PM20D2: variants seen among roughly 807,000 people sequenced by gnomAD.
PM20D2 encodes the protein xaa-Arg dipeptidase.
In PM20D2, 33 loss-of-function variants were observed where a neutral mutation model predicts 42.9. That is an observed-to-expected ratio of 0.77 (90% confidence interval 0.58 to 1.03). The LOEUF (loss-of-function observed/expected upper bound fraction) is 1.03, where lower values mean the gene tolerates loss of function less well. PM20D2 is among the 50% of genes least tolerant of loss of function. PM20D2 has a pLI of 0.00. For missense variants in PM20D2, 548 were observed against 557.0 expected, an observed-to-expected ratio of 0.98 and a Z score of 0.16; for synonymous variants, 250 against 228.2, an observed-to-expected ratio of 1.10 and a Z score of -0.86.
At chr6:89,152,108 T>G (rs1382309444) in intron 2 of PM20D2, among the ~76,000 whole-genome samples, 1 of 151,600 alleles carries the variant, frequency 6.6e-6, no homozygotes, top group African/African-American at 2.4e-5. Context: ...AAAAAAAAAT[T>G]CATTTCAAGG....
chr6:89,115,967 G>GCTAA, the PM20D2 span, among the ~76,000 whole-genome samples: 9,525 of 152,086 alleles, frequency 0.063, 855 homozygotes, highest in African/African-American at 0.2. Context: ...TCAACTTAAT[G>GCTAA]CATCTAAAGA....
At position 89,153,135 on chromosome 6, in the gene PM20D2, A is replaced by G. The variant is rs747644120; in HGVS notation, c.707A>G (p.Asn236Ser). 2 of 1,612,254 alleles carry G rather than the reference A, an allele frequency of 1.2e-6. No individual in the cohort carries two copies. Among genetic ancestry groups the G allele is most frequent in the Non-Finnish European group, 1.7e-6 (2 of 1,179,262 alleles). The change falls in exon 3 of 7, where the codon AAC becomes AGC. Residue 236 changes from asparagine to serine, a missense_variant. Physicochemically the swap from Asn to Ser is conservative, Grantham distance 46 (BLOSUM62 1). Around this residue, in one of 3 missense-constraint regions of PM20D2, gnomAD observed 470 missense variants for 464.4 expected, o/e 1.01. Transcript: ENST00000275072. ...NALDAAVLAY[N>S]NLSVFRQQMK... ...TTAGATGCTGCTGTGCTGGCCTATA[A>G]CAATCTGTCTGTGTTCAGACAGCAA...
At chr6:89,112,512 T>C in the PM20D2 span, among the ~76,000 whole-genome samples, 2 of 150,242 alleles carry the variant, frequency 1.3e-5, no homozygotes, top group African/African-American at 4.9e-5. Flanking sequence ...AGTGGTGATA[T>C]CATAACTTGC....
chr6:89,113,892 C>T, the PM20D2 span, among the ~76,000 whole-genome samples: 1 of 152,264 alleles, frequency 6.6e-6, no homozygotes, highest in African/African-American at 2.4e-5. Context: ...ATCTACCCAC[C>T]TCAGCCTCCA....
chr6:89,130,841 T>C, the PM20D2 span, among the ~76,000 whole-genome samples: 1 of 139,740 alleles, frequency 7.2e-6, no homozygotes, highest in Non-Finnish European at 1.5e-5. Flanking sequence ...TTTTTTTTTT[T>C]TTTTTTTTTG....
At chr6:89,154,430 T>G (rs1032557924) in intron 3 of PM20D2, among the ~76,000 whole-genome samples, 3 of 152,182 alleles carry the variant, frequency 2.0e-5, no homozygotes, top group Non-Finnish European at 4.4e-5. Flanking sequence ...AAGCTTAAGA[T>G]GTTACTAATT....
At chr6:89,147,747 G>A (rs980327322) in intron 1 of PM20D2, among the ~76,000 whole-genome samples, 1 of 149,236 alleles carries the variant, frequency 6.7e-6, no homozygotes, top group Non-Finnish European at 1.5e-5. Flanking sequence ...AAAAAAATTA[G>A]CTGGGCGTGG....
chr6:89,161,891 G>C lies in PM20D2; in HGVS notation c.1156+1G>C. ...ACTGAACAGTACACTGAAGCTGCTG[G>C]TAAGTGTTGTTGGATGTGACTGTTT... On this transcript the variant is annotated splice_donor_variant, in intron 6 of 6. Transcript: ENST00000275072. LOFTEE classifies it high-confidence loss of function. The C allele has an allele frequency of 6.2e-7, 1 of 1,602,968 alleles. No homozygotes were observed. The highest frequency in any genetic ancestry group is 1.1e-5 in the South Asian group (1 of 90,746).
the PM20D2 span, among the ~76,000 whole-genome samples, chr6:89,123,715 G>T: frequency 1.1e-5 from 1 of 89,094 alleles, no homozygotes; most frequent in Non-Finnish European, 2.2e-5. Flanking sequence ...GAGTGAGACT[G>T]TCTCAAAAAA....
intron 1 of PM20D2, among the ~76,000 whole-genome samples, chr6:89,147,986 T>A (rs1770663402): frequency 6.8e-6 from 1 of 146,110 alleles, no homozygotes; most frequent in African/African-American, 2.5e-5. Context: ...ACTCTTTTTT[T>A]TTTTTTTTTT....
the PM20D2 span, among the ~76,000 whole-genome samples, chr6:89,102,963 C>T: frequency 6.6e-6 from 1 of 152,124 alleles, no homozygotes; most frequent in Non-Finnish European, 1.5e-5. Flanking sequence ...GGGGGTCTCA[C>T]TATGTTGCCC....
Position 89,158,375 on chromosome 6 carries a change from G to A in PM20D2, c.963G>A (p.Lys321=), listed in dbSNP as rs1771122208. The A allele has an allele frequency of 1.2e-6, 2 of 1,611,276 alleles. No homozygotes were observed. The highest frequency in any genetic ancestry group is 2.7e-5 in the African/African-American group (2 of 74,740). The change falls in exon 5 of 7, where the codon AAG becomes AAA. Residue 321 remains lysine, a synonymous_variant. Coordinates refer to ENST00000275072, the MANE Select transcript of PM20D2 (RefSeq NM_001010853.3). ...AHDYYNVLPN[K]SLWKAYMENG... ...ATTATTACAATGTTCTTCCCAATAA[G>A]AGCCTATGGAAAGCCTATATGGAAA...
At chr6:89,131,155 T>C in the PM20D2 span, among the ~76,000 whole-genome samples, 1 of 152,046 alleles carries the variant, frequency 6.6e-6, no homozygotes, top group Non-Finnish European at 1.5e-5. Context: ...TCACTCTTCT[T>C]ATAAAACCAC....
intron 4 of PM20D2, among the ~76,000 whole-genome samples, chr6:89,156,745 CAG>C (rs1367089468): frequency 6.6e-6 from 1 of 152,090 alleles, no homozygotes; most frequent in Non-Finnish European, 1.5e-5. Flanking sequence ...ATGGGAAAGA[CAG>C]AGACTGAAAG....
chr6:89,155,258 CTTTTTTT>C (rs34776724), intron 4 of PM20D2, among the ~76,000 whole-genome samples: 1 of 58,932 alleles, frequency 1.7e-5, no homozygotes, highest in Non-Finnish European at 3.1e-5. Flanking sequence ...TCAGCAAAAG[CTTTTTTT>C]TTTTTTTTTT....
In PM20D2 at chr6:89,149,414, G is replaced by A. The variant is rs898131525; in HGVS notation, c.614+1G>A. The A allele has an allele frequency of 1.1e-5, 17 of 1,613,202 alleles. No homozygotes were observed. The highest frequency in any genetic ancestry group is 4.5e-5 in the East Asian group (2 of 44,876). ...ATCTACCAGATATGGCTGAACATGA[G>A]TGAGTAATCAAGTTGAAGATAAACT... On this transcript the variant is annotated splice_donor_variant, in intron 2 of 6. Coordinates refer to ENST00000275072, the MANE Select transcript of PM20D2 (RefSeq NM_001010853.3). LOFTEE classifies it high-confidence loss of function.
chr6:89,103,511 T>C, the PM20D2 span, among the ~76,000 whole-genome samples: 81 of 152,266 alleles, frequency 5.3e-4, no homozygotes, highest in Middle Eastern at 3.4e-3. Context: ...GTATTTTTAG[T>C]AGACACGGGG....
intron 2 of PM20D2, among the ~76,000 whole-genome samples, chr6:89,150,058 C>T (rs1198673659): frequency 6.6e-6 from 1 of 152,154 alleles, no homozygotes; most frequent in East Asian, 1.9e-4. Flanking sequence ...AGTTAATGGT[C>T]CAGGCACAAG....
chr6:89,161,930 C>T, intron 6 of PM20D2, 40 bp downstream of exon 6: 1 of 1,536,788 alleles, frequency 6.5e-7, no homozygotes, highest in South Asian at 1.1e-5. Context: ...CACACACACT[C>T]TTCTTCTGGT....
Sources: gnomAD v4.1 joint callset for allele counts (sites outside exome capture counted in the v4.1 genomes callset) on GRCh38, gnomAD v4.1.1 for gene constraint, gnomAD v4.1.1 regional missense constraint, MANE v1.5 for transcripts, NCBI Gene and HGNC (gene_info 2026-07-23, HGNC 2026-07-21) for gene names.